The following PARP6 variants were observed in gnomAD, a reference collection of about 807,000 sequenced individuals.
PARP6 encodes poly(ADP-ribose) polymerase family member 6.
In PARP6, 27 loss-of-function variants were observed where a neutral mutation model predicts 92.0. The observed-to-expected ratio is 0.29, with a 90% CI of 0.22 to 0.40. The LOEUF is 0.40. PARP6 is among the 10% of genes least tolerant of loss of function. The pLI is 1.00. For missense variants in PARP6, 501 were observed against 784.5 expected (o/e 0.64, Z 4.32); for synonymous variants, 272 against 281.2 (o/e 0.97, Z 0.33).
chr15:72,252,027 C>T (rs944112905), intron 16 of PARP6, among the ~76,000 whole-genome samples: 1 of 152,142 alleles, frequency 6.6e-6, no homozygotes, highest in Non-Finnish European at 1.5e-5. Context: ...TGAGGAAGTA[C>T]TGAAGGCTGA....
chr15:72,258,723 T>G (rs765234763), intron 11 of PARP6, among the ~76,000 whole-genome samples: 12 of 140,876 alleles, frequency 8.5e-5, no homozygotes, highest in Non-Finnish European at 1.4e-4. Context: ...TCCTACAGCG[T>G]TTTTTTTGTT....
chr15:72,265,437 G>A lies in PARP6; in HGVS notation c.213C>T (p.Leu71=). The change falls in exon 6 of 24, where the codon CTC becomes CTT. Residue 71 remains leucine, a synonymous_variant. Transcript: ENST00000569795. The part of the protein sequence containing the change: ...YGTIDDVDID[L]HINISFLDEE... ...CATCGAGGAAGCTGATGTTGATGTG[G>A]AGGTCAATGTCCACGTCATCGATAG... 6.2e-7 allele frequency: 1 copy of A among 1,613,862 alleles called. No homozygotes were observed. The highest frequency in any genetic ancestry group is 8.5e-7 in the Non-Finnish European group (1 of 1,179,686).
chr15:72,259,184 A>C (rs1435832768), intron 11 of PARP6, among the ~76,000 whole-genome samples: 1 of 152,232 alleles, frequency 6.6e-6, no homozygotes, highest in Non-Finnish European at 1.5e-5. Context: ...AGGTTAACAG[A>C]GATGCAAAAG....
At chr15:72,254,080 T>C (rs1303584157) in intron 15 of PARP6, 2 of 470,210 alleles carry the variant, frequency 4.3e-6, no homozygotes, top group South Asian at 1.5e-5. Context: ...CCTAGAAGGA[T>C]AGAAGATGTA....
chr15:72,264,543 C>A lies in PARP6; in HGVS notation c.395+12G>T, dbSNP rs2141076169. 2 of 1,608,952 alleles carry A rather than the reference C, an allele frequency of 1.2e-6. No homozygotes were observed. Among genetic ancestry groups the A allele is most frequent in the Middle Eastern group, 1.7e-4 (1 of 6,056 alleles). ...TCACATGTCCATGACCAGAAAAGAC[C>A]AAAGTTCTTACTTTTTCAACTGAAG... is the stretch of plus-strand genomic sequence containing the variant. On this transcript the variant is annotated intron_variant, in intron 8 of 23. Coordinates refer to ENST00000569795, the MANE Select transcript of PARP6 (RefSeq NM_001323532.2).
intron 11 of PARP6, 78 bp from the exon 12 acceptor site, chr15:72,258,210 C>T (rs55973446): frequency 9.5e-7 from 1 of 1,056,680 alleles, no homozygotes; most frequent in Non-Finnish European, 1.5e-6. Context: ...GCTTTTTTTT[C>T]CAACTACCCT....
chr15:72,241,196 C>T lies in PARP6; in HGVS notation c.*259G>A. ...AGTGATCATATCCAGTCCACAGCAC[C>T]TTCCATTTTATTGTTTTATTTACAA... is the stretch of plus-strand genomic sequence containing the variant. On this transcript the variant is annotated 3_prime_UTR_variant, in exon 24 of 24. Transcript: ENST00000569795. The surrounding 1 kb of genome is among the most constrained non-coding windows in gnomAD (Gnocchi z 4.1). 1.7e-6 allele frequency: 1 copy of T among 593,494 alleles called. No individual in the cohort carries two copies. Among genetic ancestry groups the T allele is most frequent in the African/African-American group, 1.8e-5 (1 of 54,856 alleles). The allele number at this position is 593,494 out of a possible 1,614,324, so 36.8% of individuals were successfully genotyped here.
chr15:72,258,268 G>A, intron 11 of PARP6, 136 bp from the exon 12 acceptor site: 2 of 669,070 alleles, frequency 3.0e-6, no homozygotes, highest in Middle Eastern at 7.5e-4. Flanking sequence ...CTTAGGCTGT[G>A]TACTTAAACT....
chr15:72,265,603 G>A, intron 5 of PARP6, 130 bp from the exon 6 acceptor site: 2 of 752,302 alleles, frequency 2.7e-6, no homozygotes, highest in South Asian at 3.0e-5. Context: ...TTGTACCTAG[G>A]GTCTTAGCTA....
intron 4 of PARP6, 56 bp from the exon 5 acceptor site, chr15:72,266,047 G>A: frequency 8.8e-7 from 1 of 1,141,900 alleles, no homozygotes; most frequent in Non-Finnish European, 1.3e-6. Flanking sequence ...GAGGGAAAGA[G>A]AGAGATAATA....
chr15:72,271,351 G>A (rs931053318), intron 1 of PARP6, 64 bp from the exon 2 acceptor site: 1 of 152,188 alleles, frequency 6.6e-6, no homozygotes, highest in African/African-American at 2.4e-5. Context: ...AGACAGTTCA[G>A]AGATTACCGG....
rs535166589 is a variant in PARP6 at position 72,265,923 on chromosome 15, G to T, written c.150C>A (p.Ile50=). The change falls in exon 5 of 24, where the codon ATC becomes ATA. Residue 50 remains isoleucine, a synonymous_variant. Coordinates refer to ENST00000569795, the MANE Select transcript of PARP6 (RefSeq NM_001323532.2). ...LDADIEAVKE[I]YSENSVSIRE... Reference sequence around the variant, plus strand: ...TGATGGATACAGAGTTCTCACTGTAGATCTCCTTCACGGCTTCAATGTCTG... The same window carrying T: ...TGATGGATACAGAGTTCTCACTGTATATCTCCTTCACGGCTTCAATGTCTG... 1.6e-4 allele frequency: 253 copies of T among 1,613,720 alleles called. 3 individuals are homozygous for T. In the South Asian group the frequency reaches 2.6e-3, roughly 17 times the overall value.
intron 13 of PARP6, among the ~76,000 whole-genome samples, 183 bp from the exon 14 acceptor site, chr15:72,256,773 TCTTC>T (rs1266145361): frequency 6.6e-6 from 1 of 152,204 alleles, no homozygotes; most frequent in Non-Finnish European, 1.5e-5. Context: ...TAAAAAACCA[TCTTC>T]CTGCCCTTAA....
At chr15:72,245,841 G>A (rs538054177) in intron 20 of PARP6, 3 of 151,834 alleles carry the variant, frequency 2.0e-5, no homozygotes, top group Non-Finnish European at 4.4e-5. Flanking sequence ...GTAAACAAAG[G>A]CCAGGGGGAG....
At chr15:72,258,186 G>T in intron 11 of PARP6, 54 bp from the exon 12 acceptor site, 1 of 1,332,644 alleles carries the variant, frequency 7.5e-7, no homozygotes. Flanking sequence ...ACACAGATAT[G>T]GGAAATAATT....
chr15:72,242,938 T>G lies in PARP6; in HGVS notation c.1562-239A>C. 2.1e-6 allele frequency: 1 copy of G among 479,300 alleles called. No homozygotes were observed. The highest frequency in any genetic ancestry group is 3.7e-6 in the Non-Finnish European group (1 of 272,302). The allele number at this position is 479,300 out of a possible 1,614,324, so 29.7% of individuals were successfully genotyped here. ...TGGTGTGAGCCTAGAGGAGGGCAAC[T>G]AGCCTAGCCTAAGAGTTTAAAGAAG... On this transcript the variant is annotated intron_variant, in intron 20 of 23. Coordinates refer to ENST00000569795, the MANE Select transcript of PARP6 (RefSeq NM_001323532.2). This position sits in a 1 kb window ranked among gnomAD's most constrained non-coding sequence, Gnocchi z 4.3.
intron 18 of PARP6, 22 bp from the exon 19 acceptor site, chr15:72,250,114 A>G (rs778703093): frequency 2.0e-6 from 3 of 1,487,602 alleles, no homozygotes; most frequent in African/African-American, 1.4e-5. Context: ...GGTAGAATAC[A>G]TGTCTCCTTA....
intron 20 of PARP6, among the ~76,000 whole-genome samples, chr15:72,246,523 A>G (rs1397235926): frequency 6.6e-5 from 10 of 152,206 alleles, no homozygotes; most frequent in Admixed American, 6.5e-4. Flanking sequence ...CTAAAACATT[A>G]CCAGTGACTT....
chr15:72,249,141 C>T (rs187158876), intron 20 of PARP6, 104 bp downstream of exon 20: 48 of 597,294 alleles, frequency 8.0e-5, no homozygotes, highest in African/African-American at 7.8e-4. Flanking sequence ...AGAGCTGACA[C>T]AGACCAAGTA....
Sources: allele counts gnomAD v4.1 joint callset (sites outside exome capture counted in the v4.1 genomes callset), GRCh38; gene constraint gnomAD v4.1.1; non-coding constraint Gnocchi (gnomAD v3.1); transcripts MANE v1.5; gene names NCBI Gene and HGNC (gene_info 2026-07-23, HGNC 2026-07-21).